Variants in LY96 observed in about 807,000 individuals in gnomAD.
LY96 encodes the protein myeloid differentiation protein-2.
In LY96, 18 loss-of-function variants were observed where a neutral mutation model predicts 18.9. The observed-to-expected ratio is 0.95, with a 90% confidence interval of 0.66 to 1.41. The LOEUF is 1.41. Among genes scored for constraint, LY96 ranks in the 40% most tolerant of loss-of-function variants. The pLI, the probability that LY96 is intolerant of heterozygous loss-of-function variation, is 0.00. For missense variants in LY96, 175 were observed against 182.4 expected (o/e 0.96, Z 0.23); for synonymous variants, 66 against 62.6 (o/e 1.06, Z -0.26).
chr8:74,075,420 C>G, the LY96 span, among the ~76,000 whole-genome samples: 1 of 152,106 alleles, frequency 6.6e-6, no homozygotes, highest in South Asian at 2.1e-4. Flanking sequence ...ACAGGCATGC[C>G]CTACTACAGT....
At chr8:74,034,588 A>T in the LY96 span, among the ~76,000 whole-genome samples, 2 of 152,076 alleles carry the variant, frequency 1.3e-5, no homozygotes, top group African/African-American at 4.8e-5. Flanking sequence ...TTCTGTTCTG[A>T]CACATAAATA....
intron 3 of LY96, among the ~76,000 whole-genome samples, chr8:74,025,718 G>A (rs796567523): frequency 4.3e-5 from 6 of 139,864 alleles, no homozygotes; most frequent in African/African-American, 1.6e-4. Context: ...AAAAAGAAAA[G>A]AAAAGACAGC....
Position 74,004,786 on chromosome 8 carries a change from T to A in LY96, c.113-10T>A, listed in dbSNP as rs1255594004. 4 of 1,552,354 alleles carry A rather than the reference T, an allele frequency of 2.6e-6. No homozygotes were observed. Among genetic ancestry groups the A allele is most frequent in the Non-Finnish European group, 3.5e-6 (4 of 1,127,156 alleles). ...TAGTAATTTATTGACATTATCTTTATTGCTTTTAGATAAAATGCAATACCC... is the reference window on the plus strand; with the variant it reads ...TAGTAATTTATTGACATTATCTTTAATGCTTTTAGATAAAATGCAATACCC... On this transcript the variant is annotated splice_polypyrimidine_tract_variant and intron_variant, in intron 1 of 4. Coordinates refer to ENST00000284818, the MANE Select transcript of LY96 (RefSeq NM_015364.5).
intron 1 of LY96, among the ~76,000 whole-genome samples, chr8:73,997,200 CT>C (rs1161571999): frequency 1.3e-5 from 2 of 152,196 alleles, no homozygotes; most frequent in African/African-American, 4.8e-5. Flanking sequence ...CATCATCCAC[CT>C]AATTCCTTAG....
At chr8:74,076,781 A>G in the LY96 span, among the ~76,000 whole-genome samples, 2 of 152,088 alleles carry the variant, frequency 1.3e-5, no homozygotes, top group African/African-American at 4.8e-5. Flanking sequence ...TTTTCCCTCC[A>G]CACCAAGCAA....
chr8:74,054,959 T>A, the LY96 span, among the ~76,000 whole-genome samples: 3 of 152,142 alleles, frequency 2.0e-5, no homozygotes, highest in East Asian at 5.8e-4. Context: ...TAGGCTGGAG[T>A]GCAGTGGCCT....
At chr8:74,079,571 A>C in the LY96 span, 1 of 152,184 alleles carries the variant, frequency 6.6e-6, no homozygotes, top group African/African-American at 2.4e-5. Context: ...TTAAGATTGC[A>C]CCAATACAGA....
chr8:74,042,449 A>G, the LY96 span, among the ~76,000 whole-genome samples: 1 of 152,016 alleles, frequency 6.6e-6, no homozygotes, highest in Non-Finnish European at 1.5e-5. Flanking sequence ...TGAACCCAGG[A>G]GGTGGAGGTT....
chr8:74,006,284 G>C (rs1179902837), intron 2 of LY96, among the ~76,000 whole-genome samples: 2 of 152,024 alleles, frequency 1.3e-5, no homozygotes, highest in African/African-American at 4.8e-5. Flanking sequence ...TGCAGCCTCT[G>C]CCTCCCGGGT....
chr8:74,002,527 A>T (rs1236898080), intron 1 of LY96, among the ~76,000 whole-genome samples: 1 of 147,696 alleles, frequency 6.8e-6, no homozygotes, highest in Admixed American at 6.8e-5. Flanking sequence ...TGAACTTTTT[A>T]GTTCAGTTAT....
intron 3 of LY96, among the ~76,000 whole-genome samples, chr8:74,010,611 C>G (rs1346799796): frequency 1.3e-5 from 2 of 151,812 alleles, no homozygotes; most frequent in African/African-American, 4.8e-5. Context: ...CCTCATTTTC[C>G]TCAGCTATAA....
chr8:74,022,251 T>C (rs1816779503), intron 3 of LY96, among the ~76,000 whole-genome samples: 1 of 151,750 alleles, frequency 6.6e-6, no homozygotes, highest in African/African-American at 2.4e-5. Flanking sequence ...GTACTAAAAA[T>C]ACAAAAGTAG....
At chr8:74,092,892 C>A in the LY96 span, among the ~76,000 whole-genome samples, 1 of 152,298 alleles carries the variant, frequency 6.6e-6, no homozygotes, top group East Asian at 1.9e-4. Context: ...GATTTTCTCT[C>A]CCTGTTTCAA....
rs1816785519 is a variant in LY96 at position 74,022,443 on chromosome 8, AAGAC to A, written c.332-4340_332-4337del. 2.0e-5 allele frequency among the ~76,000 whole-genome samples: 3 copies of A among 148,338 alleles called. No homozygotes were observed. The East Asian group carries it at 5.8e-4, about 29-fold the overall frequency. ...AAACCAAAAAAAAAGATAGCTTTCTAAGACAGACAAAACAATTGAAAAACAAAAA... is the reference window on the plus strand; with the variant it reads ...AAACCAAAAAAAAAGATAGCTTTCTAAGACAAAACAATTGAAAAACAAAAA... On this transcript the variant is annotated intron_variant, in intron 3 of 4. Transcript: ENST00000284818.
At chr8:73,995,252 A>G (rs1179167111) in intron 1 of LY96, among the ~76,000 whole-genome samples, 1 of 152,128 alleles carries the variant, frequency 6.6e-6, no homozygotes, top group Non-Finnish European at 1.5e-5. Flanking sequence ...GTGAGAAATA[A>G]ATTTCTGTTC....
the LY96 span, among the ~76,000 whole-genome samples, chr8:74,050,752 G>T: frequency 6.6e-6 from 1 of 152,126 alleles, no homozygotes; most frequent in Non-Finnish European, 1.5e-5. Flanking sequence ...AGCTGGGCAC[G>T]GGGGCTCATG....
At chr8:74,093,035 C>T in the LY96 span, among the ~76,000 whole-genome samples, 1 of 152,162 alleles carries the variant, frequency 6.6e-6, no homozygotes, top group East Asian at 1.9e-4. Context: ...CAAAAGCTTT[C>T]CTGCCCAGCC....
At chr8:74,060,292 A>C in the LY96 span, among the ~76,000 whole-genome samples, 3 of 152,264 alleles carry the variant, frequency 2.0e-5, no homozygotes, top group African/African-American at 7.2e-5. Context: ...ATTGATATCC[A>C]GAAAATGTTT....
chr8:73,998,223 C>CA (rs1227943643), intron 1 of LY96, among the ~76,000 whole-genome samples: 3 of 152,242 alleles, frequency 2.0e-5, no homozygotes, highest in Middle Eastern at 3.4e-3. Flanking sequence ...ATGTTAGGAC[C>CA]AAAAATTCTC....
Sources: allele counts gnomAD v4.1 joint callset (sites outside exome capture counted in the v4.1 genomes callset), GRCh38; gene constraint gnomAD v4.1.1; transcripts MANE v1.5; gene names NCBI Gene and HGNC (gene_info 2026-07-23, HGNC 2026-07-21).